The following RNF14 variants were observed in gnomAD, a reference collection of about 807,000 sequenced individuals.
RNF14 encodes the protein ring finger protein 14.
Under a neutral mutation model 52.6 loss-of-function variants are expected in RNF14, and 26 were observed. That is an observed-to-expected ratio of 0.49 (90% CI 0.36 to 0.69). The LOEUF is 0.69. RNF14 is among the 30% of genes least tolerant of loss of function. The pLI is 0.00. For missense variants in RNF14, 404 were observed against 560.4 expected, an observed-to-expected ratio of 0.72 and a Z score of 2.82; for synonymous variants, 194 against 202.0, an observed-to-expected ratio of 0.96 and a Z score of 0.34.
upstream of RNF14, chr5:141,956,936 G>A: frequency 6.2e-7 from 1 of 1,614,158 alleles, no homozygotes; most frequent in Non-Finnish European, 8.5e-7. Context: ...GGTCGACGCA[G>A]AATGACCTGG....
chr5:141,955,664 C>G (rs755424368), upstream of RNF14: 1 of 1,613,996 alleles, frequency 6.2e-7, no homozygotes, highest in Non-Finnish European at 8.5e-7. This position sits in a 1 kb window ranked among gnomAD's most constrained non-coding sequence, Gnocchi z 5.5. Context: ...AGGATCAACC[C>G]GAAGATGCCC....
At chr5:141,980,024 A>G (rs994626610) in intron 5 of RNF14, 99 bp from the exon 6 acceptor site, 1 of 879,410 alleles carries the variant, frequency 1.1e-6, no homozygotes, top group Non-Finnish European at 1.9e-6. Context: ...GTTTTAATTT[A>G]TGTGCCCATC....
chr5:141,971,113 A>G (rs1324437716), intron 2 of RNF14, among the ~76,000 whole-genome samples: 3 of 152,248 alleles, frequency 2.0e-5, no homozygotes, highest in African/African-American at 7.2e-5. Context: ...TTGTAGTTCA[A>G]TATTTTAATT....
upstream of RNF14, among the ~76,000 whole-genome samples, chr5:141,964,842 G>A (rs1355188141): frequency 2.0e-5 from 3 of 150,088 alleles, no homozygotes; most frequent in African/African-American, 7.4e-5. Flanking sequence ...GGCCAGGCTG[G>A]TCTCAAACTC....
chr5:141,979,948 G>A (rs1217265373), intron 5 of RNF14, among the ~76,000 whole-genome samples, 175 bp from the exon 6 acceptor site: 1 of 152,164 alleles, frequency 6.6e-6, no homozygotes, highest in Admixed American at 6.5e-5. Flanking sequence ...TTTAACAAAT[G>A]TGTAGACCCC....
upstream of RNF14, chr5:141,957,073 C>T (rs1596647871): frequency 1.3e-5 from 21 of 1,614,152 alleles, no homozygotes; most frequent in Non-Finnish European, 1.7e-5. This position sits in a 1 kb window ranked among gnomAD's most constrained non-coding sequence, Gnocchi z 4.3. Context: ...GAGAAGCGTA[C>T]CAGGTGCAGC....
At chr5:141,964,780 ATTT>A (rs67577436), upstream of RNF14, among the ~76,000 whole-genome samples, 83,363 of 137,578 alleles carry the variant, frequency 0.61, 25,913 homozygotes, top group East Asian at 0.96. Flanking sequence ...AGCCCGGCTA[ATTT>A]TTTTTTTTTT....
rs192662371 is a variant in RNF14, at chr5:141,989,091, T to G, written c.*1301T>G. 2 of 152,456 alleles carry G rather than the reference T, an allele frequency of 1.3e-5. No homozygotes were observed. Among genetic ancestry groups the G allele is most frequent in the East Asian group, 3.8e-4 (2 of 5,330 alleles). 9.4% of individuals were successfully genotyped at this position (152,456 alleles called of 1,614,324 possible). A position where few individuals can be genotyped will look rare whatever the true frequency, so the allele number is the denominator to read the frequency against. Reference sequence around the variant, plus strand: ...GAATCACTTTTAACTGTTTTAGGTGTGTGTGTCCAGAGTGAGCAAGGATTA... The same window carrying G: ...GAATCACTTTTAACTGTTTTAGGTGGGTGTGTCCAGAGTGAGCAAGGATTA... On this transcript the variant is annotated 3_prime_UTR_variant, in exon 9 of 9. Transcript: ENST00000394520.
In RNF14 at chr5:141,978,631, G is replaced by A. The variant is rs148683883; in HGVS notation, c.635G>A (p.Cys212Tyr). The A allele has an allele frequency of 4.8e-5, 77 of 1,613,866 alleles. No homozygotes were observed. The highest frequency in any genetic ancestry group is 6.1e-5 in the Non-Finnish European group (72 of 1,179,866). Residue 212 changes from cysteine to tyrosine, a missense_variant, in exon 5 of 9, where the codon TGC (cysteine) becomes TAC (tyrosine). By Grantham distance (194) the Cys-to-Tyr change is radical (BLOSUM62 -2). Transcript: ENST00000394520. ...LDFDQAQQIK[C>Y]FNSKLFLCSI... ...TTTGATCAAGCTCAGCAGATAAAAT[G>A]CTTTAATAGTAAATTGTTCCTGTGC...
At chr5:141,956,523 C>G, upstream of RNF14, 4 of 1,614,216 alleles carry the variant, frequency 2.5e-6, no homozygotes, top group Non-Finnish European at 2.5e-6. Flanking sequence ...TGAGCTGTTT[C>G]TTGGCTGATA....
chr5:141,950,027 G>C, the RNF14 span, among the ~76,000 whole-genome samples: 5 of 152,234 alleles, frequency 3.3e-5, no homozygotes, highest in African/African-American at 1.2e-4. Context: ...ATTTTTGCCT[G>C]TCTCATTGCC....
upstream of RNF14, chr5:141,956,412 A>C: frequency 6.2e-7 from 1 of 1,614,156 alleles, no homozygotes; most frequent in African/African-American, 1.3e-5. Flanking sequence ...CCTTGATGGT[A>C]ATGAGGTGAA....
At chr5:141,949,678 G>C in the RNF14 span, 1 of 1,460,416 alleles carries the variant, frequency 6.8e-7, no homozygotes, top group Non-Finnish European at 9.3e-7. Context: ...TACCCATATA[G>C]GGAACTGGAT....
At chr5:141,979,226 G>GTT (rs1561552599) in intron 5 of RNF14, among the ~76,000 whole-genome samples, 37 of 132,382 alleles carry the variant, frequency 2.8e-4, no homozygotes, top group African/African-American at 9.7e-4. Flanking sequence ...CTACTTAGGT[G>GTT]GTGGTGGTGT....
At chr5:141,964,934 T>C (rs1753307273), upstream of RNF14, among the ~76,000 whole-genome samples, 1 of 151,484 alleles carries the variant, frequency 6.6e-6, no homozygotes, top group African/African-American at 2.4e-5. Flanking sequence ...GCCTGAAACC[T>C]CTAATTTTTT....
upstream of RNF14, chr5:141,955,136 A>T: frequency 3.1e-6 from 5 of 1,614,122 alleles, no homozygotes; most frequent in Non-Finnish European, 4.2e-6. The surrounding 1 kb of genome is among the most constrained non-coding windows in gnomAD (Gnocchi z 5.5). Context: ...GTTGCAGAGG[A>T]GGCTGGTGGC....
intron 6 of RNF14, among the ~76,000 whole-genome samples, chr5:141,982,291 G>A (rs564887963): frequency 1.3e-5 from 2 of 152,144 alleles, no homozygotes; most frequent in South Asian, 4.1e-4. Flanking sequence ...ACACAAAAAT[G>A]CATTGAATTA....
chr5:141,986,895 T>C (rs1238895912), intron 8 of RNF14, among the ~76,000 whole-genome samples: 2 of 152,200 alleles, frequency 1.3e-5, no homozygotes, highest in Non-Finnish European at 2.9e-5. Context: ...AGGGGACCCA[T>C]GTTCAAAAAA....
intron 6 of RNF14, among the ~76,000 whole-genome samples, chr5:141,981,108 C>T (rs1156241459): frequency 1.3e-5 from 2 of 152,128 alleles, no homozygotes; most frequent in African/African-American, 4.8e-5. Flanking sequence ...ATAACAGCTA[C>T]CTCACAAAAT....
Sources: gnomAD v4.1 joint callset for allele counts (sites outside exome capture counted in the v4.1 genomes callset) on GRCh38, gnomAD v4.1.1 for gene constraint, Gnocchi (gnomAD v3.1) non-coding constraint, MANE v1.5 for transcripts, NCBI Gene and HGNC (gene_info 2026-07-23, HGNC 2026-07-21) for gene names.